SMCHD1: variants seen among roughly 807,000 people sequenced by gnomAD.
The protein encoded by SMCHD1 is structural maintenance of chromosomes flexible hinge domain-containing protein 1.
In SMCHD1, 78 loss-of-function variants were observed where a neutral mutation model predicts 254.7. The observed-to-expected ratio is 0.31, with a 90% CI of 0.26 to 0.37. The LOEUF (loss-of-function observed/expected upper bound fraction) is 0.37, where lower values mean the gene tolerates loss of function less well. Ranked by LOEUF, SMCHD1 falls within the 10% of genes least tolerant of loss-of-function variation. SMCHD1 has a pLI of 1.00. For synonymous variants in SMCHD1, 766 were observed against 794.9 expected (o/e 0.96, Z 0.61); for missense variants, 1,840 against 2,408.1 (o/e 0.76, Z 4.94).
chr18:2,722,023 A>G (rs540959142), intron 19 of SMCHD1, among the ~76,000 whole-genome samples: 41 of 152,348 alleles, frequency 2.7e-4, no homozygotes, highest in Admixed American at 3.3e-4. Context: ...GCCAATTTAT[A>G]GGAGGGCTTC....
At chr18:2,784,718 C>T in intron 45 of SMCHD1, 97 bp downstream of exon 45, 1 of 1,282,508 alleles carries the variant, frequency 7.8e-7, no homozygotes. Flanking sequence ...GAAAAATTAA[C>T]AAATGTAAGT....
At chr18:2,665,378 T>C (rs2073409006) in intron 1 of SMCHD1, among the ~76,000 whole-genome samples, 1 of 152,136 alleles carries the variant, frequency 6.6e-6, no homozygotes, top group Non-Finnish European at 1.5e-5. Flanking sequence ...TGGAGTGCAG[T>C]GGTGTGATCT....
intron 29 of SMCHD1, 28 bp downstream of exon 29, chr18:2,743,956 G>T: frequency 6.5e-7 from 1 of 1,549,282 alleles, no homozygotes; most frequent in East Asian, 2.3e-5. Flanking sequence ...TTCACTGAAA[G>T]AATTTAATAT....
Position 2,750,492 on chromosome 18 carries a change from G to A in SMCHD1, c.4150G>A (p.Gly1384Arg). 6.2e-7 allele frequency: 1 copy of A among 1,603,028 alleles called. No homozygotes were observed. Among genetic ancestry groups the A allele is most frequent in the Non-Finnish European group, 8.5e-7 (1 of 1,174,046 alleles). The change falls in exon 32 of 48, where the codon GGG (glycine) becomes AGG (arginine). Residue 1384 changes from glycine (G) to arginine (R), a missense_variant. Gly to Arg is a moderately radical substitution (Grantham distance 125, BLOSUM62 -2). Coordinates refer to ENST00000320876, the MANE Select transcript of SMCHD1 (RefSeq NM_015295.3). ...TGACAAAGATGCATCCTTCTTAGCA[G>A]GGGGTCTTTTCACTGGTGAGTATTT... ...KYDKDASFLA[G>R]GLFTDFMISV...
chr18:2,770,071 A>G lies in SMCHD1; in HGVS notation c.4929A>G (p.Leu1643=), dbSNP rs955602670. ...AGTCTATTGTTATGTATAAAAGTTTATTTGAAGCCAGCCAACAGCTTCTTA... is the reference window on the plus strand; with the variant it reads ...AGTCTATTGTTATGTATAAAAGTTTGTTTGAAGCCAGCCAACAGCTTCTTA... The part of the protein sequence containing the change: ...LSQSIVMYKS[L]FEASQQLLNE... The change falls in exon 39 of 48, where the codon TTA becomes TTG. Residue 1643 remains leucine, a synonymous_variant. Coordinates refer to ENST00000320876, the MANE Select transcript of SMCHD1 (RefSeq NM_015295.3). The G allele has an allele frequency of 6.2e-7, 1 of 1,600,722 alleles. No homozygotes were observed. Among genetic ancestry groups the G allele is most frequent in the Non-Finnish European group, 8.5e-7 (1 of 1,176,968 alleles).
chr18:2,771,598 G>A lies in SMCHD1; in HGVS notation c.5032G>A (p.Asp1678Asn), dbSNP rs1008936918. 6.4e-7 allele frequency: 1 copy of A among 1,567,406 alleles called. No individual in the cohort carries two copies. The highest frequency in any genetic ancestry group is 1.4e-5 in the African/African-American group (1 of 71,682). ...AAATGAACTAAAAATACATAATATT[G>A]ACATTCCTACAACACAACAGGTACA... is the stretch of plus-strand genomic sequence containing the variant. ...LRNELKIHNI[D>N]IPTTQQVPHI... Residue 1678 changes from aspartate (D) to asparagine (N), a missense_variant, in exon 40 of 48, where the codon GAC becomes AAC. Coordinates refer to ENST00000320876, the MANE Select transcript of SMCHD1 (RefSeq NM_015295.3).
intron 3 of SMCHD1, chr18:2,673,076 A>T (rs1367841384): frequency 1.2e-5 from 12 of 985,394 alleles, no homozygotes; most frequent in Non-Finnish European, 1.4e-5. Flanking sequence ...ATAGTGCCAT[A>T]CAAGTACTGA....
Position 2,770,022 on chromosome 18 carries a change from CAAAAG to C in SMCHD1, c.4886_4890del (p.Glu1629GlyfsTer11). ...AAGCAGCAACAAATGGCAGCACTTA[CAAAAG>C]AAAAGGACCAATTATCTCAGTCTAT... On this transcript the variant is annotated frameshift_variant, in exon 39 of 48. Transcript: ENST00000320876. LOFTEE classifies it high-confidence loss of function. The C allele has an allele frequency of 6.3e-7, 1 of 1,598,172 alleles. No individual in the cohort carries two copies. The highest frequency in any genetic ancestry group is 8.5e-7 in the Non-Finnish European group (1 of 1,175,650).
At chr18:2,744,490 T>C (rs1000079030) in intron 29 of SMCHD1, among the ~76,000 whole-genome samples, 1 of 152,174 alleles carries the variant, frequency 6.6e-6, no homozygotes, top group Non-Finnish European at 1.5e-5. Context: ...ACATATTTAT[T>C]GTGTACAACA....
intron 22 of SMCHD1, among the ~76,000 whole-genome samples, chr18:2,727,540 T>C (rs2075049027): frequency 6.6e-6 from 1 of 152,040 alleles, no homozygotes; most frequent in Non-Finnish European, 1.5e-5. Context: ...ATAGTTCTTT[T>C]TGTGGGGTAA....
At chr18:2,782,100 ATG>A (rs567470842) in intron 44 of SMCHD1, among the ~76,000 whole-genome samples, 2 of 152,246 alleles carry the variant, frequency 1.3e-5, no homozygotes, top group South Asian at 4.1e-4. Flanking sequence ...AGGTTTCTAA[ATG>A]AAGTCATATG....
chr18:2,721,726 TTGG>T (rs2143398659), intron 19 of SMCHD1, among the ~76,000 whole-genome samples: 1 of 152,322 alleles, frequency 6.6e-6, no homozygotes, highest in African/African-American at 2.4e-5. Context: ...TTTAGCATAG[TTGG>T]TGGTGAAACT....
chr18:2,766,771 T>C (rs1004892022), intron 37 of SMCHD1, among the ~76,000 whole-genome samples: 7 of 152,240 alleles, frequency 4.6e-5, no homozygotes, highest in African/African-American at 1.7e-4. Flanking sequence ...CATTCTGATA[T>C]GCATTTGTTT....
At chr18:2,798,154 A>G (rs2076294825) in intron 47 of SMCHD1, among the ~76,000 whole-genome samples, 1 of 152,170 alleles carries the variant, frequency 6.6e-6, no homozygotes, top group South Asian at 2.1e-4. Flanking sequence ...AAGGCATGGT[A>G]TGGTATGCAA....
chr18:2,756,542 T>C (rs918933370), intron 34 of SMCHD1, among the ~76,000 whole-genome samples: 1 of 152,220 alleles, frequency 6.6e-6, no homozygotes, highest in African/African-American at 2.4e-5. Context: ...TCAGAAGTTA[T>C]AGAACTATTT....
intron 45 of SMCHD1, among the ~76,000 whole-genome samples, chr18:2,793,656 C>CAAAAAAAAAAAAAAAAAAAAAAAAAAAAA (rs1277905569): frequency 4.6e-5 from 2 of 43,916 alleles, no homozygotes; most frequent in African/African-American, 9.6e-5. Context: ...GACTCCGTCT[C>CAAAAAAAAAAAAAAAAAAAAAAAAAAAAA]AAAAAAAAAA....
At chr18:2,719,362 C>T (rs943261254) in intron 19 of SMCHD1, among the ~76,000 whole-genome samples, 1 of 151,348 alleles carries the variant, frequency 6.6e-6, no homozygotes, top group Admixed American at 6.6e-5. Context: ...GTGGCATGAT[C>T]TTGGCTGGCT....
intron 9 of SMCHD1, 132 bp from the exon 10 acceptor site, chr18:2,697,699 G>A: frequency 3.2e-6 from 2 of 633,752 alleles, no homozygotes; most frequent in South Asian, 4.0e-5. Flanking sequence ...GTAAATATAT[G>A]TATTTCATTA....
intron 34 of SMCHD1, among the ~76,000 whole-genome samples, chr18:2,759,518 CATCATGAAGGGTTGGCCTGCCA>C (rs2075746262): frequency 3.7e-5 from 1 of 27,064 alleles, no homozygotes. Flanking sequence ...CAGCTGTTTT[CATCATGAAGGGTTGGCCTGCCA>C]TTTGGAAGCA....
Sources: gnomAD v4.1 joint callset for allele counts (sites outside exome capture counted in the v4.1 genomes callset) on GRCh38, gnomAD v4.1.1 for gene constraint, MANE v1.5 for transcripts, NCBI Gene and HGNC (gene_info 2026-07-23, HGNC 2026-07-21) for gene names.